The following THOC2 variants were observed in gnomAD, a reference collection of about 807,000 sequenced individuals.
THOC2 encodes THO complex subunit 2, also known as THO complex 2.
Under a neutral mutation model 128.4 loss-of-function variants are expected in THOC2, and 10 were observed. That is an observed-to-expected ratio of 0.08 (90% CI 0.05 to 0.13). The LOEUF is 0.13. THOC2 is among the 10% of genes least tolerant of loss of function. The probability of loss-of-function intolerance (pLI) is 1.00; values close to 1 mark genes in which losing one functional copy is unlikely to be tolerated. For synonymous variants in THOC2, 393 were observed against 396.9 expected, an observed-to-expected ratio of 0.99 and a Z score of 0.12; for missense variants, 535 against 1,155.7, an observed-to-expected ratio of 0.46 and a Z score of 7.79.
At chrX:123,690,664 A>G (rs1216252980) in intron 7 of THOC2, among the ~76,000 whole-genome samples, 1 of 111,954 alleles carries the variant, frequency 8.9e-6, no homozygotes, top group Non-Finnish European at 1.9e-5. Context: ...TAACTAGGAG[A>G]GATGTCCAGC....
At chrX:123,667,506 G>A (rs746783756) in intron 10 of THOC2, among the ~76,000 whole-genome samples, 2 of 111,612 alleles carry the variant, frequency 1.8e-5, no homozygotes, top group African/African-American at 3.3e-5. Context: ...GGGAGGCTGA[G>A]GTAGGCAGAT....
rs149372609 is a variant in THOC2 at position 123,673,761 on chromosome X, C to A, written c.769-2000G>T. 8.2e-3 allele frequency among the ~76,000 whole-genome samples: 917 copies of A among 112,379 alleles called. 8 individuals are homozygous for A. Among genetic ancestry groups the A allele is most frequent in the African/African-American group, 0.028 (864 of 31,004 alleles). On this transcript the variant is annotated intron_variant, in intron 8 of 38. Transcript: ENST00000245838. ...CTGGTTCACCCTGAGAACAGCCCTGCCATTGTAACGCAGTTAACTGGTAGC... is the reference window on the plus strand; with the variant it reads ...CTGGTTCACCCTGAGAACAGCCCTGACATTGTAACGCAGTTAACTGGTAGC...
chrX:123,709,887 A>G (rs1446434906), intron 2 of THOC2, among the ~76,000 whole-genome samples: 3 of 110,996 alleles, frequency 2.7e-5, no homozygotes, highest in African/African-American at 9.8e-5. Flanking sequence ...TTTATTAGCC[A>G]TCATTACAAT....
intron 4 of THOC2, among the ~76,000 whole-genome samples, chrX:123,701,713 T>A (rs777462498): frequency 9.1e-6 from 1 of 110,258 alleles, no homozygotes; most frequent in African/African-American, 3.3e-5. Flanking sequence ...AAAGGTAATA[T>A]CTTTAGTGCC....
chrX:123,645,256 C>T, intron 13 of THOC2, 78 bp downstream of exon 13: 1 of 710,083 alleles, frequency 1.4e-6, no homozygotes, highest in South Asian at 2.9e-5. Flanking sequence ...ATGATTAAAG[C>T]TTGTTCACAG....
intron 6 of THOC2, 26 bp downstream of exon 6, chrX:123,696,695 C>A (rs1318252612): frequency 2.5e-6 from 3 of 1,181,345 alleles, no homozygotes; most frequent in Non-Finnish European, 3.4e-6. Context: ...GATACTTGAT[C>A]TGCAACATAA....
chrX:123,613,659 C>T lies in THOC2; in HGVS notation c.4499G>A (p.Arg1500His). The T allele has an allele frequency of 8.3e-7, 1 of 1,210,691 alleles. No homozygotes were observed. The highest frequency in any genetic ancestry group is 1.1e-6 in the Non-Finnish European group (1 of 894,617). The change falls in exon 35 of 39, where the codon CGT becomes CAT. Residue 1500 changes from arginine (R) to histidine (H), a missense_variant. Physicochemically the swap from Arg to His is conservative, Grantham distance 29 (BLOSUM62 0). Coordinates refer to ENST00000245838, the MANE Select transcript of THOC2 (RefSeq NM_001081550.2). The part of the protein sequence containing the change: ...REVPPDLTKR[R>H]KEENGTMGVS... ...CCTACTTGTTCCATTCTCCTCTTTACGTCTCTTGGTTAAGTCCGGTGGCAC... is the reference window on the plus strand; with the variant it reads ...CCTACTTGTTCCATTCTCCTCTTTATGTCTCTTGGTTAAGTCCGGTGGCAC...
intron 8 of THOC2, among the ~76,000 whole-genome samples, chrX:123,680,965 TTCTCTC>T (rs374368414): frequency 3.8e-3 from 396 of 105,068 alleles, no homozygotes; most frequent in Admixed American, 6.3e-3. Context: ...CACACATGCA[TTCTCTC>T]TCTCTCTCTC....
At chrX:123,624,267 C>T in intron 26 of THOC2, 76 bp from the exon 27 acceptor site, 4 of 965,071 alleles carry the variant, frequency 4.1e-6, no homozygotes, top group Non-Finnish European at 5.6e-6. Context: ...CTTAAGTAGA[C>T]TAGATCAATG....
intron 8 of THOC2, among the ~76,000 whole-genome samples, chrX:123,680,128 C>A (rs1183621533): frequency 1.6e-4 from 18 of 110,334 alleles, no homozygotes; most frequent in Non-Finnish European, 7.6e-5. Flanking sequence ...AGGAACGCCT[C>A]GTTGCAGTTG....
intron 37 of THOC2, 142 bp downstream of exon 37, chrX:123,611,298 T>G: frequency 2.1e-6 from 1 of 465,455 alleles, no homozygotes. Flanking sequence ...TCACACATTT[T>G]GAGAGTTAAC....
chrX:123,671,628 G>C, intron 9 of THOC2, 41 bp downstream of exon 9: 1 of 917,604 alleles, frequency 1.1e-6, no homozygotes, highest in East Asian at 3.2e-5. Flanking sequence ...CCTACCCTTG[G>C]GACAGACAAT....
intron 12 of THOC2, among the ~76,000 whole-genome samples, chrX:123,651,734 C>A (rs762831705): frequency 1.1e-3 from 122 of 107,307 alleles, no homozygotes; most frequent in African/African-American, 3.4e-3. Context: ...CGCCCCCCCC[C>A]CAAGACTAAA....
intron 12 of THOC2, among the ~76,000 whole-genome samples, chrX:123,651,006 T>A (rs1448301440): frequency 3.6e-5 from 4 of 111,971 alleles, no homozygotes; most frequent in African/African-American, 1.3e-4. Flanking sequence ...AGAATATACA[T>A]TCTTCTCAGC....
intron 12 of THOC2, among the ~76,000 whole-genome samples, chrX:123,661,223 G>A (rs1170714967): frequency 9.0e-6 from 1 of 111,424 alleles, no homozygotes; most frequent in Non-Finnish European, 1.9e-5. Context: ...TAGCAAACAT[G>A]GTGAAACCCT....
chrX:123,681,156 G>A (rs1207439224), intron 8 of THOC2, among the ~76,000 whole-genome samples: 3 of 111,791 alleles, frequency 2.7e-5, no homozygotes, highest in African/African-American at 9.8e-5. Context: ...GTTAGTAAGG[G>A]ACAACTCTTC....
chrX:123,642,087 C>G (rs770981288), intron 15 of THOC2, among the ~76,000 whole-genome samples: 2 of 112,165 alleles, frequency 1.8e-5, no homozygotes, highest in East Asian at 5.6e-4. Context: ...ATTAGAAATA[C>G]AAGGAAGATT....
In THOC2 at chrX:123,687,531, T is replaced by C. The variant is rs756886314; in HGVS notation, c.602-817A>G. 4.3e-4 allele frequency among the ~76,000 whole-genome samples: 48 copies of C among 112,395 alleles called. 2 individuals carry two copies. Among genetic ancestry groups the C allele is most frequent in the Non-Finnish European group, 8.3e-4 (44 of 53,261 alleles). On this transcript the variant is annotated intron_variant, in intron 7 of 38. Coordinates refer to ENST00000245838, the MANE Select transcript of THOC2 (RefSeq NM_001081550.2). ...GAACTGTGATAAATTTAGGGACATATGTTACATCTAAACACTTATACCTTA... is the reference window on the plus strand; with the variant it reads ...GAACTGTGATAAATTTAGGGACATACGTTACATCTAAACACTTATACCTTA...
chrX:123,665,081 G>T (rs1394149989), intron 12 of THOC2, among the ~76,000 whole-genome samples: 1 of 111,075 alleles, frequency 9.0e-6, no homozygotes. Context: ...GCTAGATTTG[G>T]GTTTATATTA....
Sources: allele counts gnomAD v4.1 joint callset (sites outside exome capture counted in the v4.1 genomes callset), GRCh38; gene constraint gnomAD v4.1.1; transcripts MANE v1.5; gene names NCBI Gene and HGNC (gene_info 2026-07-23, HGNC 2026-07-21).